The following RERE variants were observed in gnomAD, a reference collection of about 807,000 sequenced individuals.
RERE encodes the protein arginine-glutamic acid dipeptide repeats.
In RERE, 40 loss-of-function variants were observed where a neutral mutation model predicts 146.1. The observed-to-expected ratio is 0.27, with a 90% CI of 0.21 to 0.36. The LOEUF is 0.36. Among genes scored for constraint, RERE ranks in the 10% least tolerant of loss-of-function variants. RERE has a pLI of 1.00. For missense variants in RERE, 1,933 were observed against 2,138.7 expected, an observed-to-expected ratio of 0.90 and a Z score of 1.90; for synonymous variants, 1,003 against 866.0, an observed-to-expected ratio of 1.16 and a Z score of -2.78.
chr1:8,788,982 G>A (rs1406206956), intron 1 of RERE, among the ~76,000 whole-genome samples: 1 of 151,798 alleles, frequency 6.6e-6, no homozygotes, highest in Non-Finnish European at 1.5e-5. Context: ...AGAATAAACA[G>A]GAGCTAAGAA....
intron 11 of RERE, chr1:8,465,570 G>A: frequency 8.3e-6 from 3 of 362,488 alleles, no homozygotes; most frequent in South Asian, 4.2e-5. Context: ...CCTACTTTAG[G>A]TTATATGTCC....
intron 11 of RERE, among the ~76,000 whole-genome samples, chr1:8,460,578 A>C (rs1160175866): frequency 6.6e-6 from 1 of 152,234 alleles, no homozygotes; most frequent in Non-Finnish European, 1.5e-5. Context: ...TTGGATAAAA[A>C]TTTCAGAGCT....
At chr1:8,795,896 C>T (rs919231031) in intron 1 of RERE, among the ~76,000 whole-genome samples, 10 of 149,750 alleles carry the variant, frequency 6.7e-5, no homozygotes, top group Admixed American at 2.0e-4. Context: ...GCAGGAGAAT[C>T]GCTTGAACCT....
chr1:8,416,214 A>G (rs937187096), intron 12 of RERE, among the ~76,000 whole-genome samples: 2 of 152,258 alleles, frequency 1.3e-5, no homozygotes, highest in African/African-American at 4.8e-5. Flanking sequence ...GAGCTTTTGT[A>G]TCAAGTAAGA....
chr1:8,774,943 CTTT>C (rs1641032352), intron 1 of RERE, among the ~76,000 whole-genome samples: 2 of 55,936 alleles, frequency 3.6e-5, no homozygotes, highest in Non-Finnish European at 7.1e-5. Context: ...AGCATTTCTT[CTTT>C]CTTTCTTTTT....
intron 2 of RERE, among the ~76,000 whole-genome samples, chr1:8,628,239 T>A (rs1239831540): frequency 1.3e-5 from 2 of 152,058 alleles, no homozygotes; most frequent in Non-Finnish European, 2.9e-5. Flanking sequence ...AGAAGCTCAC[T>A]GCAAAATTAA....
intron 11 of RERE, among the ~76,000 whole-genome samples, chr1:8,433,104 C>T (rs906655737): frequency 6.6e-6 from 1 of 152,154 alleles, no homozygotes. Flanking sequence ...CACAAACAAC[C>T]TGGCATGGTT....
At chr1:8,395,649 G>A (rs988556833) in intron 12 of RERE, among the ~76,000 whole-genome samples, 3 of 152,112 alleles carry the variant, frequency 2.0e-5, no homozygotes, top group Non-Finnish European at 2.9e-5. Context: ...GTGCTTTGAG[G>A]AAGCAATGTC....
At chr1:8,768,640 CTT>C (rs1285994726) in intron 1 of RERE, among the ~76,000 whole-genome samples, 1 of 152,132 alleles carries the variant, frequency 6.6e-6, no homozygotes, top group Non-Finnish European at 1.5e-5. Context: ...GCACAGTAAA[CTT>C]TTCTGTTAAA....
intron 12 of RERE, among the ~76,000 whole-genome samples, chr1:8,387,511 TAA>T (rs1354753469): frequency 2.0e-5 from 3 of 152,122 alleles, no homozygotes; most frequent in African/African-American, 7.2e-5. Flanking sequence ...TAACCAATCA[TAA>T]AAAGTGTGAA....
intron 8 of RERE, among the ~76,000 whole-genome samples, chr1:8,502,594 C>G (rs1192250689): frequency 6.7e-6 from 1 of 148,230 alleles, no homozygotes; most frequent in Non-Finnish European, 1.5e-5. Flanking sequence ...GTGTGCCCAG[C>G]GGCTCATTGG....
In RERE at chr1:8,601,913, A is replaced by G. The variant is rs1388159482; in HGVS notation, c.522+12648T>C. ...CTATGGCAGTGCAGCAGCGCTCTCC[A>G]TTCTAATCAGGCATCGAAGAGAAAC... is the stretch of plus-strand genomic sequence containing the variant. On this transcript the variant is annotated intron_variant, in intron 4 of 22. Transcript: ENST00000400908. Among the ~76,000 whole-genome samples, 6 of 152,106 alleles carry G rather than the reference A, an allele frequency of 3.9e-5. No homozygotes were observed. The East Asian group carries it at 1.2e-3, about 29-fold the overall frequency.
intron 12 of RERE, among the ~76,000 whole-genome samples, chr1:8,414,470 C>T (rs1643705732): frequency 6.6e-6 from 1 of 151,404 alleles, no homozygotes; most frequent in Non-Finnish European, 1.5e-5. Context: ...GCAGGAGAAT[C>T]ACTTGAACCC....
intron 12 of RERE, among the ~76,000 whole-genome samples, chr1:8,404,636 A>C (rs910145711): frequency 1.3e-5 from 2 of 152,228 alleles, no homozygotes; most frequent in Non-Finnish European, 2.9e-5. Context: ...TTACTCTCCC[A>C]CAGTAATTGT....
intron 2 of RERE, among the ~76,000 whole-genome samples, chr1:8,644,084 A>G (rs1312223375): frequency 6.6e-6 from 1 of 152,202 alleles, no homozygotes; most frequent in Non-Finnish European, 1.5e-5. Context: ...ATCCATATGC[A>G]ATAACAAGGT....
At chr1:8,388,327 T>TTA (rs1479300134) in intron 12 of RERE, among the ~76,000 whole-genome samples, 1 of 151,622 alleles carries the variant, frequency 6.6e-6, no homozygotes, top group Non-Finnish European at 1.5e-5. Context: ...CTTTTTTTTT[T>TTA]TTTGAGACGG....
Position 8,360,847 on chromosome 1 carries a change from G to A in RERE, c.2660C>T (p.Thr887Ile). ...QASQGQAPLG[T>I]SPAAAYPHTS... ...GTGAGGGTACGCTGCTGCTGGGGAG[G>A]TCCCCAGAGGGGCCTGGCCTTGGGA... is the stretch of plus-strand genomic sequence containing the variant. Residue 887 changes from threonine to isoleucine, a missense_variant, in exon 18 of 23, where the codon ACC becomes ATC. Transcript: ENST00000400908. 2 of 1,539,318 alleles carry A rather than the reference G, an allele frequency of 1.3e-6. No individual in the cohort carries two copies. Among genetic ancestry groups the A allele is most frequent in the African/African-American group, 2.7e-5 (2 of 73,502 alleles).
chr1:8,563,454 G>A (rs1405271070), intron 4 of RERE, among the ~76,000 whole-genome samples: 1 of 152,134 alleles, frequency 6.6e-6, no homozygotes, highest in Non-Finnish European at 1.5e-5. Flanking sequence ...CTGATCACCA[G>A]CTGATGATAC....
At chr1:8,494,986 C>T (rs774468739) in intron 10 of RERE, 77 bp downstream of exon 10, 4 of 1,072,048 alleles carry the variant, frequency 3.7e-6, no homozygotes, top group Non-Finnish European at 5.8e-6. Context: ...ATGCTCCGCA[C>T]TCATCACACA....
Sources: gnomAD v4.1 joint callset for allele counts (sites outside exome capture counted in the v4.1 genomes callset) on GRCh38, gnomAD v4.1.1 for gene constraint, MANE v1.5 for transcripts, NCBI Gene and HGNC (gene_info 2026-07-23, HGNC 2026-07-21) for gene names.